The following BMAL1 variants were observed in gnomAD, a reference collection of about 807,000 sequenced individuals.
BMAL1 encodes basic helix-loop-helix ARNT-like protein 1.
At chr11:13,319,143 A>G in the BMAL1 span, among the ~76,000 whole-genome samples, 2 of 152,132 alleles carry the variant, frequency 1.3e-5, no homozygotes, top group African/African-American at 4.8e-5. Context: ...GCTGTCAATT[A>G]TTATGGTTAT....
At chr11:13,377,964 C>G in the BMAL1 span, among the ~76,000 whole-genome samples, 296 of 152,340 alleles carry the variant, frequency 1.9e-3, 1 homozygote, top group Non-Finnish European at 1.9e-4. Flanking sequence ...GTCAAACTTA[C>G]AACATTTTGC....
the BMAL1 span, among the ~76,000 whole-genome samples, chr11:13,304,604 C>T: frequency 6.6e-6 from 1 of 152,170 alleles, no homozygotes; most frequent in Non-Finnish European, 1.5e-5. Context: ...TGGAGTCCCT[C>T]CTGGCACACA....
the BMAL1 span, among the ~76,000 whole-genome samples, chr11:13,333,093 A>T: frequency 6.6e-6 from 1 of 151,776 alleles, no homozygotes; most frequent in African/African-American, 2.4e-5. Context: ...CAGTCTCCCA[A>T]GTAGCTGGGA....
chr11:13,379,572 A>C, the BMAL1 span: 1 of 152,256 alleles, frequency 6.6e-6, no homozygotes, highest in Non-Finnish European at 1.5e-5. Flanking sequence ...AACAGTATCA[A>C]ACAGTCCTTG....
the BMAL1 span, among the ~76,000 whole-genome samples, chr11:13,291,890 A>G: frequency 6.6e-6 from 1 of 152,232 alleles, no homozygotes; most frequent in Non-Finnish European, 1.5e-5. Context: ...GCTTTAATAG[A>G]TGATAAAACA....
the BMAL1 span, among the ~76,000 whole-genome samples, chr11:13,319,996 T>C: frequency 6.6e-6 from 1 of 152,240 alleles, no homozygotes; most frequent in East Asian, 1.9e-4. Context: ...AGGGAAGTGA[T>C]GGTCCAAGAC....
At chr11:13,359,420 A>G in the BMAL1 span, among the ~76,000 whole-genome samples, 30 of 152,242 alleles carry the variant, frequency 2.0e-4, no homozygotes, top group African/African-American at 7.2e-4. Context: ...TCATTACCCA[A>G]AAATATAAAT....
At chr11:13,313,402 C>T in the BMAL1 span, among the ~76,000 whole-genome samples, 1 of 152,190 alleles carries the variant, frequency 6.6e-6, no homozygotes, top group Non-Finnish European at 1.5e-5. Flanking sequence ...TCTGAACCTC[C>T]TCCCAGTCCA....
chr11:13,374,691 C>T, the BMAL1 span, among the ~76,000 whole-genome samples: 1 of 152,114 alleles, frequency 6.6e-6, no homozygotes, highest in South Asian at 2.1e-4. Flanking sequence ...TTCAGGCCCT[C>T]GTGCCTACTT....
chr11:13,312,966 A>G, the BMAL1 span, among the ~76,000 whole-genome samples: 2 of 152,204 alleles, frequency 1.3e-5, no homozygotes, highest in Non-Finnish European at 2.9e-5. Flanking sequence ...AATAAAAGAC[A>G]GTGAGACCGG....
the BMAL1 span, among the ~76,000 whole-genome samples, chr11:13,318,781 A>AG: frequency 6.6e-6 from 1 of 151,884 alleles, no homozygotes; most frequent in African/African-American, 2.4e-5. Flanking sequence ...ACTCTAGGGG[A>AG]GGGGGGCCCT....
the BMAL1 span, among the ~76,000 whole-genome samples, chr11:13,369,369 T>G: frequency 6.6e-6 from 1 of 152,366 alleles, no homozygotes; most frequent in African/African-American, 2.4e-5. Context: ...CATACTATAT[T>G]TCTTTTCATC....
At chr11:13,340,381 A>G in the BMAL1 span, among the ~76,000 whole-genome samples, 1 of 152,250 alleles carries the variant, frequency 6.6e-6, no homozygotes, top group Non-Finnish European at 1.5e-5. Context: ...CTTGCTTTCT[A>G]CATCTTATCT....
the BMAL1 span, among the ~76,000 whole-genome samples, chr11:13,319,859 G>C: frequency 6.6e-6 from 1 of 152,318 alleles, no homozygotes; most frequent in East Asian, 1.9e-4. Flanking sequence ...GCCAGGGAGT[G>C]CCAGGCCTTG....
the BMAL1 span, among the ~76,000 whole-genome samples, chr11:13,295,363 A>G: frequency 6.6e-6 from 1 of 152,084 alleles, no homozygotes; most frequent in African/African-American, 2.4e-5. Context: ...TAGCAGGGGA[A>G]TCAATGAAGA....
At chr11:13,303,137 C>T in the BMAL1 span, among the ~76,000 whole-genome samples, 402 of 152,292 alleles carry the variant, frequency 2.6e-3, no homozygotes, top group Non-Finnish European at 4.2e-3. Flanking sequence ...AATGAGCCTT[C>T]AAGGGATAGA....
the BMAL1 span, among the ~76,000 whole-genome samples, chr11:13,350,245 C>T: frequency 6.6e-6 from 1 of 152,198 alleles, no homozygotes; most frequent in Non-Finnish European, 1.5e-5. Flanking sequence ...TCTGGAGGTA[C>T]TTCATGTCTG....
At chr11:13,313,114 C>A in the BMAL1 span, among the ~76,000 whole-genome samples, 2 of 152,222 alleles carry the variant, frequency 1.3e-5, no homozygotes, top group Admixed American at 6.5e-5. Context: ...ACTTGGCTGC[C>A]ATTGCCAATG....
the BMAL1 span, among the ~76,000 whole-genome samples, chr11:13,278,953 G>A: frequency 5.3e-5 from 8 of 152,200 alleles, no homozygotes; most frequent in Admixed American, 6.5e-5. Context: ...CGCGAGAGCC[G>A]GCAGCGGGGT....
Sources: gnomAD v4.1 joint callset for allele counts (sites outside exome capture counted in the v4.1 genomes callset) on GRCh38, gnomAD v4.1.1 for gene constraint, MANE v1.5 for transcripts, NCBI Gene and HGNC (gene_info 2026-07-23, HGNC 2026-07-21) for gene names.